The following NVL variants were observed in gnomAD, a reference collection of about 807,000 sequenced individuals.
The protein encoded by NVL is nuclear VCP like, also known as nuclear valosin-containing protein-like.
NVL carries 84 observed loss-of-function variants against 110.2 expected under a neutral mutation model. The observed-to-expected ratio is 0.76, with a 90% CI of 0.64 to 0.91. The LOEUF is 0.91. NVL is among the 40% of genes least tolerant of loss of function. The pLI is 0.00. For synonymous variants in NVL, 354 were observed against 361.1 expected (o/e 0.98, Z 0.22); for missense variants, 882 against 1,035.9 (o/e 0.85, Z 2.04).
At chr1:224,282,065 CTTTAATT>C (rs1443084184) in intron 15 of NVL, among the ~76,000 whole-genome samples, 1 of 147,808 alleles carries the variant, frequency 6.8e-6, no homozygotes, top group Non-Finnish European at 1.5e-5. Flanking sequence ...TTAAATTTCA[CTTTAATT>C]TTTTTTTTTT....
intron 11 of NVL, 109 bp downstream of exon 11, chr1:224,296,392 T>A: frequency 1.7e-6 from 1 of 590,802 alleles, no homozygotes; most frequent in Non-Finnish European, 2.8e-6. Flanking sequence ...ACTTTTTTTT[T>A]ACACTATTTG....
At chr1:224,286,807 G>A (rs1666914898) in intron 14 of NVL, among the ~76,000 whole-genome samples, 1 of 152,110 alleles carries the variant, frequency 6.6e-6, no homozygotes, top group Non-Finnish European at 1.5e-5. Context: ...TAATCCCAGT[G>A]TATTTTCTCT....
Position 224,250,256 on chromosome 1 carries a change from G to A in NVL, c.2245C>T (p.Pro749Ser). The stretch of plus-strand genomic sequence containing the variant: ...ATGGCAAGGCGATCTGCAGGGGGCG[G>A]TAAACCCACAAACAGTGTTTTGTCC... ...RLDKTLFVGL[P>S]PPADRLAILK... is the part of the protein sequence containing the mutation. Residue 749 changes from proline (P) to serine (S), a missense_variant, in exon 19 of 23, where the codon CCG becomes TCG. Coordinates refer to ENST00000281701, the MANE Select transcript of NVL (RefSeq NM_002533.4). 1 of 1,609,076 alleles carries A rather than the reference G, an allele frequency of 6.2e-7. No individual in the cohort carries two copies. The highest frequency in any genetic ancestry group is 8.5e-7 in the Non-Finnish European group (1 of 1,177,966).
At chr1:224,274,682 G>A (rs1476281604) in intron 17 of NVL, among the ~76,000 whole-genome samples, 1 of 152,062 alleles carries the variant, frequency 6.6e-6, no homozygotes, top group African/African-American at 2.4e-5. Context: ...GTTGCTATCT[G>A]CTTCAAAAAG....
At position 224,289,611 on chromosome 1, in the gene NVL, A is replaced by G. The variant is rs1192249775; in HGVS notation, c.1448T>C (p.Met483Thr). 1.7e-5 allele frequency: 27 copies of G among 1,614,138 alleles called. No individual in the cohort carries two copies. The highest frequency in any genetic ancestry group is 2.2e-5 in the Non-Finnish European group (26 of 1,180,060). ...DLMALCREAA[M>T]CAVNRVLMKL... ...CATTAAGACTCTATTGACTGCACAC[A>G]TTGCTGCCTCTCGGCACAGTGCCAT... Residue 483 changes from methionine to threonine, a missense_variant, in exon 13 of 23, where the codon ATG becomes ACG. Physicochemically the swap from Met to Thr is moderately conservative, Grantham distance 81. Transcript: ENST00000281701.
At chr1:224,244,211 T>C (rs6691773) in intron 19 of NVL, among the ~76,000 whole-genome samples, 150,922 of 150,926 alleles carry the variant, frequency 1, 75,459 homozygotes, top group Non-Finnish European at 1. Flanking sequence ...CTACTAAAAA[T>C]ACAAAATTAG....
chr1:224,258,419 T>C (rs1419485361), intron 18 of NVL, among the ~76,000 whole-genome samples: 1 of 152,200 alleles, frequency 6.6e-6, no homozygotes, highest in Non-Finnish European at 1.5e-5. Flanking sequence ...AGAACTGTCA[T>C]ATATTTTAAT....
chr1:224,304,567 A>G (rs1429146998), intron 8 of NVL, among the ~76,000 whole-genome samples, 169 bp downstream of exon 8: 2 of 152,168 alleles, frequency 1.3e-5, no homozygotes, highest in Non-Finnish European at 2.9e-5. Context: ...AATAGTATGC[A>G]TCTTTTCTCC....
chr1:224,264,950 T>C lies in NVL; in HGVS notation c.2182+3084A>G, dbSNP rs202026111. 1.5e-4 allele frequency among the ~76,000 whole-genome samples: 23 copies of C among 152,138 alleles called. No homozygotes were observed. The East Asian group carries it at 3.7e-3, about 25-fold the overall frequency. On this transcript the variant is annotated intron_variant, in intron 18 of 22. Transcript: ENST00000281701. ...TTTTAGTAGAGACGGGGTTTCACCA[T>C]GTTAGCTGATGGTCTCGATCTTCTA...
chr1:224,255,266 G>A (rs1406075566), intron 18 of NVL, among the ~76,000 whole-genome samples: 2 of 129,978 alleles, frequency 1.5e-5, no homozygotes, highest in South Asian at 2.7e-4. Flanking sequence ...CTTGGCTCAC[G>A]GCAAGCTCCA....
chr1:224,227,531 C>T lies in NVL; in HGVS notation c.*95G>A, dbSNP rs1659316393. 23 of 1,054,786 alleles carry T rather than the reference C, an allele frequency of 2.2e-5. No homozygotes were observed. Among genetic ancestry groups the T allele is most frequent in the Admixed American group, 4.6e-5 (2 of 43,424 alleles). The allele number at this position is 1,054,786 out of a possible 1,614,324, so 65.3% of individuals were successfully genotyped here. A position where few individuals can be genotyped will look rare whatever the true frequency, so the allele number is the denominator to read the frequency against. On this transcript the variant is annotated 3_prime_UTR_variant, in exon 23 of 23. Transcript: ENST00000281701. Reference sequence around the variant, plus strand: ...AAAATAAAATGTTTACATGAGGCCGCGCCTGTGTCCAGCTGAAAGTGGGTC... The same window carrying T: ...AAAATAAAATGTTTACATGAGGCCGTGCCTGTGTCCAGCTGAAAGTGGGTC...
At chr1:224,235,502 C>A (rs1003869986) in intron 20 of NVL, among the ~76,000 whole-genome samples, 1 of 152,032 alleles carries the variant, frequency 6.6e-6, no homozygotes, top group African/African-American at 2.4e-5. Context: ...GGATTTGATT[C>A]CTAATTAGGG....
chr1:224,273,840 A>G (rs1269377074), intron 17 of NVL, among the ~76,000 whole-genome samples: 1 of 152,186 alleles, frequency 6.6e-6, no homozygotes, highest in Admixed American at 6.6e-5. Context: ...TGACATCACT[A>G]TCAAAGATAA....
At position 224,227,941 on chromosome 1, in the gene NVL, T is replaced by C. The variant is rs183954550; in HGVS notation, c.2527-271A>G. 9.5e-4 allele frequency: 182 copies of C among 190,712 alleles called. 1 individual carries two copies. The Middle Eastern group carries it at 0.015, about 16-fold the overall frequency. 11.8% of individuals were successfully genotyped at this position (190,712 alleles called of 1,614,324 possible). A position where few individuals can be genotyped will look rare whatever the true frequency, so the allele number is the denominator to read the frequency against. ...CAGAGGGAAAAGCACATGCAGGCGC[T>C]GGGAGAAGACAGCCATCAGTGAGGA... On this transcript the variant is annotated intron_variant, in intron 22 of 22. Transcript: ENST00000281701.
At chr1:224,236,908 C>A (rs887848197) in intron 19 of NVL, among the ~76,000 whole-genome samples, 4 of 152,140 alleles carry the variant, frequency 2.6e-5, no homozygotes, top group Non-Finnish European at 5.9e-5. Context: ...GAGACTGAGT[C>A]TCAAAGATAA....
intron 19 of NVL, among the ~76,000 whole-genome samples, chr1:224,240,000 C>T (rs1296637528): frequency 6.6e-6 from 1 of 151,350 alleles, no homozygotes; most frequent in Admixed American, 6.6e-5. Context: ...CAGGTTCAAG[C>T]GATTCTCCTG....
chr1:224,330,141 C>G lies in NVL; in HGVS notation c.-14G>C, dbSNP rs778960283. On this transcript the variant is annotated 5_prime_UTR_variant, in exon 1 of 23. Transcript: ENST00000281701. ...TCTGGGCTTCATCGCGTCGGTCTTCCAAGCCACAGCTCGGACCGCCAGCTC... is the reference window on the plus strand; with the variant it reads ...TCTGGGCTTCATCGCGTCGGTCTTCGAAGCCACAGCTCGGACCGCCAGCTC... The G allele has an allele frequency of 1.2e-6, 2 of 1,613,758 alleles. No individual in the cohort carries two copies. Among genetic ancestry groups the G allele is most frequent in the Non-Finnish European group, 1.7e-6 (2 of 1,179,776 alleles).
chr1:224,269,575 A>C (rs1359436929), intron 17 of NVL, among the ~76,000 whole-genome samples: 1 of 152,200 alleles, frequency 6.6e-6, no homozygotes, highest in East Asian at 1.9e-4. Flanking sequence ...ACATTCAGGG[A>C]GTTGGTATAA....
At chr1:224,256,810 A>G (rs986433272) in intron 18 of NVL, among the ~76,000 whole-genome samples, 2 of 151,928 alleles carry the variant, frequency 1.3e-5, no homozygotes, top group African/African-American at 4.8e-5. Context: ...ATGTGAACTC[A>G]TTCTCCCGGT....
Sources: allele counts gnomAD v4.1 joint callset (sites outside exome capture counted in the v4.1 genomes callset), GRCh38; gene constraint gnomAD v4.1.1; transcripts MANE v1.5; gene names NCBI Gene and HGNC (gene_info 2026-07-23, HGNC 2026-07-21).